The following SIRT3 variants were observed in gnomAD, a reference collection of about 807,000 sequenced individuals.
The protein encoded by SIRT3 is sirtuin 3.
In SIRT3, 26 loss-of-function variants were observed where a neutral mutation model predicts 33.5. That is an observed-to-expected ratio of 0.78 (90% CI 0.57 to 1.08). SIRT3 has a LOEUF of 1.08. Among genes scored for constraint, SIRT3 ranks in the 50% least tolerant of loss-of-function variants. The pLI, the probability that SIRT3 is intolerant of heterozygous loss-of-function variation, is 0.00. For synonymous variants in SIRT3, 237 were observed against 222.1 expected, an observed-to-expected ratio of 1.07 and a Z score of -0.60; for missense variants, 585 against 530.1, an observed-to-expected ratio of 1.10 and a Z score of -1.02.
At chr11:229,416 G>C (rs532869035) in intron 4 of SIRT3, among the ~76,000 whole-genome samples, 1 of 152,234 alleles carries the variant, frequency 6.6e-6, no homozygotes, top group African/African-American at 2.4e-5. Flanking sequence ...CTGCACTCCA[G>C]CCTGGTGATA....
rs1856368819 is a variant in SIRT3 at position 220,957 on chromosome 11, T to C, written c.970-1916A>G. On this transcript the variant is annotated intron_variant, in intron 5 of 6. Transcript: ENST00000382743. ...CTTCAGGAGTACTTGCATGGGTAGA[T>C]AAGGATGACACACAGGGATATTCAC... is the stretch of plus-strand genomic sequence containing the variant. Among the ~76,000 whole-genome samples, 2 of 104,480 alleles carry C rather than the reference T, an allele frequency of 1.9e-5. 1 individual carries two copies. The highest frequency in any genetic ancestry group is 9.9e-5 in the African/African-American group (2 of 20,244). 68.5% of individuals were successfully genotyped at this position (104,480 alleles called of 152,430 possible).
intron 5 of SIRT3, among the ~76,000 whole-genome samples, chr11:219,563 C>T (rs923422911): frequency 1.3e-5 from 2 of 152,078 alleles, no homozygotes; most frequent in African/African-American, 2.4e-5. Flanking sequence ...AGGCCTAGCT[C>T]GGTGCCATCA....
intron 1 of SIRT3, among the ~76,000 whole-genome samples, chr11:235,129 T>C (rs1041467149): frequency 6.7e-6 from 1 of 149,204 alleles, no homozygotes; most frequent in Non-Finnish European, 1.5e-5. Flanking sequence ...ACCCGTCTCA[T>C]CCTCCCAAAG....
intron 3 of SIRT3, 22 bp from the exon 4 acceptor site, chr11:230,574 A>C (rs1232924566): frequency 6.8e-7 from 1 of 1,474,048 alleles, no homozygotes; most frequent in South Asian, 1.4e-5. Context: ...GCCAAAGCGA[A>C]GTGTTGCTGC....
chr11:217,870 G>C (rs1855872844), intron 6 of SIRT3, among the ~76,000 whole-genome samples: 1 of 152,236 alleles, frequency 6.6e-6, no homozygotes, highest in Admixed American at 6.5e-5. Context: ...TGTGTCAAGG[G>C]TGGGGCCAAG....
At chr11:219,172 C>G (rs1306635885) in intron 5 of SIRT3, 131 bp from the exon 6 acceptor site, 3 of 1,164,806 alleles carry the variant, frequency 2.6e-6, no homozygotes, top group Non-Finnish European at 3.6e-6. Flanking sequence ...TAGGGAAAAC[C>G]CACCACCAAT....
At position 236,224 on chromosome 11, in the gene SIRT3, G is replaced by A. The variant is rs745937498; in HGVS notation, c.105C>T (p.Gly35=). Residue 35 remains glycine, a synonymous_variant, in exon 1 of 7, where the codon GGC becomes GGT. Coordinates refer to ENST00000382743, the MANE Select transcript of SIRT3 (RefSeq NM_012239.6). ...GGGVGPFQAC[G]CRLVLGGRDD... The stretch of plus-strand genomic sequence containing the variant: ...CCCTGCCGCCAAGCACCAGCCGACA[G>A]CCGCAGGCCTGAAACGGCCCCACGC... 1.3e-5 allele frequency: 20 copies of A among 1,558,682 alleles called. No individual in the cohort carries two copies. In the Admixed American group the frequency reaches 2.4e-4, roughly 19 times the overall value.
Position 223,255 on chromosome 11 carries a change from C to A in SIRT3, c.969+823G>T. ...GCTTGAACACATCCAGGGCATGTTT[C>A]CCGACACCTCAGACACACACAGAAC... On this transcript the variant is annotated intron_variant, in intron 5 of 6. Transcript: ENST00000382743. This position sits in a 1 kb window ranked among gnomAD's most constrained non-coding sequence, Gnocchi z 4.8. The A allele has an allele frequency of 5.9e-6, 1 of 168,516 alleles. No homozygotes were observed. The highest frequency in any genetic ancestry group is 1.8e-4 in the East Asian group (1 of 5,564). The allele number at this position is 168,516 out of a possible 1,614,324, so 10.4% of individuals were successfully genotyped here. A position where few individuals can be genotyped will look rare whatever the true frequency, so the allele number is the denominator to read the frequency against.
At chr11:235,195 A>T (rs533503696) in intron 1 of SIRT3, among the ~76,000 whole-genome samples, 2 of 89,712 alleles carry the variant, frequency 2.2e-5, no homozygotes, top group Non-Finnish European at 4.3e-5. Flanking sequence ...GGATCTATTA[A>T]ACTTTTTTCT....
chr11:233,620 C>A, intron 1 of SIRT3, 86 bp from the exon 2 acceptor site: 1 of 1,274,994 alleles, frequency 7.8e-7, no homozygotes, highest in Non-Finnish European at 1.1e-6. Flanking sequence ...GCCCTCTGCA[C>A]CACCGCCACC....
At chr11:217,240 A>C (rs1564804121) in intron 6 of SIRT3, among the ~76,000 whole-genome samples, 1 of 152,206 alleles carries the variant, frequency 6.6e-6, no homozygotes, top group Non-Finnish European at 1.5e-5. Flanking sequence ...ACCCGAGGTC[A>C]GGAGTTTGAG....
In SIRT3 at chr11:233,068, G is replaced by C. The variant is rs61744899; in HGVS notation, c.621C>G (p.Asn207Lys). The C allele has an allele frequency of 3.7e-6, 6 of 1,614,084 alleles. No individual in the cohort carries two copies. The East Asian group carries it at 1.1e-4, about 30-fold the overall frequency. Reference protein sequence around the residue: ...KELYPGNYKPNVTHYFLRLLH... With the variant: ...KELYPGNYKPKVTHYFLRLLH... ...GCAGCCGGAGAAAGTAGTGAGTGAC[G>C]TTGGGCTTGTAGTTTCCAGGGTACA... Residue 207 changes from asparagine (N) to lysine (K), a missense_variant, in exon 3 of 7, where the codon AAC (asparagine) becomes AAG (lysine). Coordinates refer to ENST00000382743, the MANE Select transcript of SIRT3 (RefSeq NM_012239.6).
chr11:236,503 G>A (rs1042090022), upstream of SIRT3: 3 of 220,428 alleles, frequency 1.4e-5, no homozygotes, highest in South Asian at 1.6e-4. Flanking sequence ...CGACGCCTCC[G>A]GCGCGCCCAG....
chr11:233,394 A>G lies in SIRT3; in HGVS notation c.422T>C (p.Val141Ala), dbSNP rs762043083. The part of the protein sequence containing the change: ...LIRARACQRV[V>A]VMVGAGISTP... ...GCTGATGCCGGCCCCCACCATGACC[A>G]CCACCCTCTGGCAGGCTCTGGCCCG... Residue 141 changes from valine to alanine, a missense_variant, in exon 2 of 7, where the codon GTG becomes GCG. Coordinates refer to ENST00000382743, the MANE Select transcript of SIRT3 (RefSeq NM_012239.6). The G allele has an allele frequency of 1.4e-5, 23 of 1,613,762 alleles. No homozygotes were observed. The African/African-American group carries it at 2.8e-4, about 20-fold the overall frequency.
chr11:236,256 C>T lies in SIRT3; in HGVS notation c.73G>A (p.Gly25Arg), dbSNP rs1221864223. Residue 25 changes from glycine to arginine, a missense_variant, in exon 1 of 7, where the codon GGG becomes AGG. Coordinates refer to ENST00000382743, the MANE Select transcript of SIRT3 (RefSeq NM_012239.6). ...WGRVVERVEA[G>R]GGVGPFQACG... is the part of the protein sequence containing the mutation. ...GCCTGAAACGGCCCCACGCCTCCCC[C>T]GGCCTCGACCCGTTCAACTACCCGG... 2.6e-6 allele frequency: 4 copies of T among 1,544,558 alleles called. No homozygotes were observed. The highest frequency in any genetic ancestry group is 3.9e-5 in the Admixed American group (2 of 51,880).
At chr11:221,301 A>G (rs943950937) in intron 5 of SIRT3, among the ~76,000 whole-genome samples, 3 of 152,178 alleles carry the variant, frequency 2.0e-5, no homozygotes, top group African/African-American at 7.2e-5. Context: ...TGTAGAGACG[A>G]GGTCTGACTA....
At chr11:234,358 C>G (rs1260498204) in intron 1 of SIRT3, among the ~76,000 whole-genome samples, 1 of 152,248 alleles carries the variant, frequency 6.6e-6, no homozygotes, top group Admixed American at 6.5e-5. Context: ...CTACTCCTCA[C>G]ACGCAGCCCT....
At chr11:224,736 G>C (rs1590149086) in intron 4 of SIRT3, among the ~76,000 whole-genome samples, 1 of 152,124 alleles carries the variant, frequency 6.6e-6, no homozygotes, top group South Asian at 2.1e-4. Flanking sequence ...CTCACTGGCT[G>C]GCATTATTAG....
chr11:236,011 C>G (rs1432181857), intron 1 of SIRT3, 37 bp downstream of exon 1: 1 of 1,430,870 alleles, frequency 7.0e-7, no homozygotes, highest in Non-Finnish European at 9.2e-7. Context: ...GTGTCGACAA[C>G]GAACACGCAA....
Sources: gnomAD v4.1 joint callset for allele counts (sites outside exome capture counted in the v4.1 genomes callset) on GRCh38, gnomAD v4.1.1 for gene constraint, Gnocchi (gnomAD v3.1) non-coding constraint, MANE v1.5 for transcripts, NCBI Gene and HGNC (gene_info 2026-07-23, HGNC 2026-07-21) for gene names.